The following SH3GL2 variants were observed in gnomAD, a reference collection of about 807,000 sequenced individuals.
SH3GL2 encodes the protein SH3 domain containing GRB2 like 2, endophilin A1.
Under a neutral mutation model 46.0 loss-of-function variants are expected in SH3GL2, and 24 were observed. The observed-to-expected ratio is 0.52, with a 90% CI of 0.38 to 0.73. SH3GL2 has a LOEUF of 0.73. Ranked by LOEUF, SH3GL2 falls within the 30% of genes least tolerant of loss-of-function variation. SH3GL2 has a pLI of 0.00. For missense variants in SH3GL2, 413 were observed against 424.2 expected, an observed-to-expected ratio of 0.97 and a Z score of 0.23; for synonymous variants, 196 against 147.1, an observed-to-expected ratio of 1.33 and a Z score of -2.40.
chr9:17,634,912 G>C (rs968544681), intron 1 of SH3GL2, among the ~76,000 whole-genome samples: 3 of 152,302 alleles, frequency 2.0e-5, no homozygotes, highest in Non-Finnish European at 4.4e-5. Flanking sequence ...GGAAACTTCT[G>C]TGGGGAAGCA....
chr9:17,614,745 G>A (rs1229547604), intron 1 of SH3GL2, among the ~76,000 whole-genome samples: 2 of 152,138 alleles, frequency 1.3e-5, no homozygotes, highest in African/African-American at 4.8e-5. Flanking sequence ...CTACAGCTGA[G>A]AGGTGGGTTG....
chr9:17,795,201 T>C (rs1824241751), intron 8 of SH3GL2, among the ~76,000 whole-genome samples: 1 of 152,230 alleles, frequency 6.6e-6, no homozygotes, highest in South Asian at 2.1e-4. Context: ...CTTAAGTCAT[T>C]GTCCCTCCTA....
chr9:17,652,397 T>A (rs1588207092), intron 1 of SH3GL2, among the ~76,000 whole-genome samples: 1 of 152,112 alleles, frequency 6.6e-6, no homozygotes, highest in African/African-American at 2.4e-5. Context: ...TTTTATTGTT[T>A]CTACCTTTAT....
chr9:17,775,411 T>G (rs1385668630), intron 3 of SH3GL2, among the ~76,000 whole-genome samples: 1 of 152,204 alleles, frequency 6.6e-6, no homozygotes, highest in Admixed American at 6.5e-5. Flanking sequence ...ATTTTCCATC[T>G]GTAAAATGGA....
At chr9:17,709,573 A>T (rs1417874131) in intron 1 of SH3GL2, among the ~76,000 whole-genome samples, 1 of 151,894 alleles carries the variant, frequency 6.6e-6, no homozygotes, top group Non-Finnish European at 1.5e-5. Flanking sequence ...CTGAAGATGA[A>T]AACTAGCATG....
intron 1 of SH3GL2, among the ~76,000 whole-genome samples, chr9:17,649,955 A>G (rs904724693): frequency 4.6e-5 from 7 of 152,170 alleles, no homozygotes; most frequent in Non-Finnish European, 1.0e-4. Context: ...AAAGTATAGA[A>G]TGGCTCAACT....
intron 1 of SH3GL2, among the ~76,000 whole-genome samples, chr9:17,647,362 G>T (rs754848691): frequency 5.9e-5 from 9 of 152,146 alleles, no homozygotes; most frequent in Non-Finnish European, 1.3e-4. Flanking sequence ...CTAGATGTGG[G>T]TGATTTCATT....
At chr9:17,766,808 A>C (rs1048227677) in intron 3 of SH3GL2, among the ~76,000 whole-genome samples, 2 of 152,104 alleles carry the variant, frequency 1.3e-5, no homozygotes, top group Non-Finnish European at 2.9e-5. Flanking sequence ...ACAGCACTAG[A>C]TAGTTTGCCT....
chr9:17,688,906 T>C (rs1165086489), intron 1 of SH3GL2, among the ~76,000 whole-genome samples: 1 of 152,078 alleles, frequency 6.6e-6, no homozygotes, highest in Admixed American at 6.6e-5. Flanking sequence ...CACTCTGTTC[T>C]AGCATACCTG....
At chr9:17,658,876 G>A (rs1186897595) in intron 1 of SH3GL2, among the ~76,000 whole-genome samples, 1 of 152,222 alleles carries the variant, frequency 6.6e-6, no homozygotes, top group Non-Finnish European at 1.5e-5. Flanking sequence ...TGGAAAATGA[G>A]TCCTTTGGAT....
chr9:17,773,262 C>G (rs954276434), intron 3 of SH3GL2, among the ~76,000 whole-genome samples: 1 of 152,062 alleles, frequency 6.6e-6, no homozygotes, highest in Admixed American at 6.6e-5. Flanking sequence ...CTGTGGGTTG[C>G]CTTTTTACTC....
intron 1 of SH3GL2, among the ~76,000 whole-genome samples, chr9:17,670,562 C>T (rs1820449211): frequency 6.6e-6 from 1 of 152,136 alleles, no homozygotes; most frequent in African/African-American, 2.4e-5. Context: ...TGTATTATGC[C>T]AGTGATATGT....
intron 1 of SH3GL2, among the ~76,000 whole-genome samples, chr9:17,627,111 G>C (rs1819299342): frequency 6.6e-6 from 1 of 151,890 alleles, no homozygotes; most frequent in South Asian, 2.1e-4. Context: ...AGAAGAATTG[G>C]GACTGCCGGT....
At chr9:17,761,389 TA>T in intron 2 of SH3GL2, 47 bp from the exon 3 acceptor site, 1 of 1,217,792 alleles carries the variant, frequency 8.2e-7, no homozygotes, top group Non-Finnish European at 1.2e-6. Context: ...ACCGGTATTC[TA>T]AAGCTCATCA....
In SH3GL2 at chr9:17,795,860, A is replaced by G; in HGVS notation, c.*117A>G. The G allele has an allele frequency of 1.3e-6, 1 of 778,472 alleles. No homozygotes were observed. Among genetic ancestry groups the G allele is most frequent in the Non-Finnish European group, 2.1e-6 (1 of 481,074 alleles). 48.2% of individuals were successfully genotyped at this position (778,472 alleles called of 1,614,324 possible). Reference sequence around the variant, plus strand: ...CAGGCCGCAGTGGTCCACGTCATCCAGCCCCACCAAGTGACTTTGGTTGAC... The same window carrying G: ...CAGGCCGCAGTGGTCCACGTCATCCGGCCCCACCAAGTGACTTTGGTTGAC... On this transcript the variant is annotated 3_prime_UTR_variant, in exon 9 of 9. Transcript: ENST00000380607.
At chr9:17,621,795 A>G (rs1022844924) in intron 1 of SH3GL2, among the ~76,000 whole-genome samples, 7 of 152,202 alleles carry the variant, frequency 4.6e-5, no homozygotes, top group African/African-American at 1.7e-4. Flanking sequence ...GACAAAAACA[A>G]ATTTTACTGT....
intron 1 of SH3GL2, among the ~76,000 whole-genome samples, chr9:17,679,869 T>G (rs1392013440): frequency 6.6e-6 from 1 of 152,218 alleles, no homozygotes; most frequent in Non-Finnish European, 1.5e-5. Flanking sequence ...AGGCCTTTTC[T>G]GCATCTCTTG....
chr9:17,748,495 T>A (rs973095262), intron 2 of SH3GL2, among the ~76,000 whole-genome samples: 1 of 152,216 alleles, frequency 6.6e-6, no homozygotes, highest in African/African-American at 2.4e-5. Context: ...TCAGTTTTGC[T>A]GTTTTTACTA....
At chr9:17,748,166 CTTTTCT>C (rs921338630) in intron 2 of SH3GL2, among the ~76,000 whole-genome samples, 4 of 151,954 alleles carry the variant, frequency 2.6e-5, no homozygotes, top group Non-Finnish European at 5.9e-5. Flanking sequence ...TTCGCTTTTA[CTTTTCT>C]TTTACTTTAA....
Sources: gnomAD v4.1 joint callset for allele counts (sites outside exome capture counted in the v4.1 genomes callset) on GRCh38, gnomAD v4.1.1 for gene constraint, MANE v1.5 for transcripts, NCBI Gene and HGNC (gene_info 2026-07-23, HGNC 2026-07-21) for gene names.